The following STAT3 variants were observed in gnomAD, a reference collection of about 807,000 sequenced individuals.
STAT3 encodes the protein DNA-binding protein APRF.
In STAT3, 7 loss-of-function variants were observed where a neutral mutation model predicts 114.3. The observed-to-expected ratio is 0.06, with a 90% CI of 0.03 to 0.11. STAT3 has a LOEUF of 0.11. Among genes scored for constraint, STAT3 ranks in the 10% least tolerant of loss-of-function variants. The probability of loss-of-function intolerance (pLI) is 1.00; values close to 1 mark genes in which losing one functional copy is unlikely to be tolerated. For synonymous variants in STAT3, 331 were observed against 354.5 expected (o/e 0.93, Z 0.74); for missense variants, 364 against 960.9 (o/e 0.38, Z 8.21).
chr17:42,329,370 G>T (rs754579348), intron 14 of STAT3, 40 bp downstream of exon 14: 6 of 1,606,300 alleles, frequency 3.7e-6, no homozygotes, highest in Non-Finnish European at 4.2e-6. Context: ...CTCCCTCAAG[G>T]AAAACACCCC....
chr17:42,370,625 T>A (rs2084064165), intron 1 of STAT3, among the ~76,000 whole-genome samples: 1 of 151,108 alleles, frequency 6.6e-6, no homozygotes, highest in Non-Finnish European at 1.5e-5. Flanking sequence ...CCTGTTTTTC[T>A]TTTTTTGTTT....
At chr17:42,383,984 C>T (rs1365817644) in intron 1 of STAT3, among the ~76,000 whole-genome samples, 1 of 152,152 alleles carries the variant, frequency 6.6e-6, no homozygotes, top group African/African-American at 2.4e-5. Flanking sequence ...TTAATAACTC[C>T]CCTAGGGCAG....
chr17:42,326,869 G>C (rs1219974300), intron 14 of STAT3, among the ~76,000 whole-genome samples: 1 of 152,120 alleles, frequency 6.6e-6, no homozygotes, highest in Non-Finnish European at 1.5e-5. Context: ...TCCTCAGAGA[G>C]AATGGCATTC....
In STAT3 at chr17:42,313,973, C is replaced by G. The variant is rs1220604781; in HGVS notation, c.*1772G>C. 3 of 231,154 alleles carry G rather than the reference C, an allele frequency of 1.3e-5. No individual in the cohort carries two copies. Among genetic ancestry groups the G allele is most frequent in the Non-Finnish European group, 2.6e-5 (3 of 116,698 alleles). The allele number at this position is 231,154 out of a possible 1,614,324, so 14.3% of individuals were successfully genotyped here. A position where few individuals can be genotyped will look rare whatever the true frequency, so the allele number is the denominator to read the frequency against. ...AGAATTCCACAGAAACTCTGATCAGCTGAGGCAAGGTGGTTTTGAGTTGCC... is the reference window on the plus strand; with the variant it reads ...AGAATTCCACAGAAACTCTGATCAGGTGAGGCAAGGTGGTTTTGAGTTGCC... On this transcript the variant is annotated 3_prime_UTR_variant, in exon 24 of 24. Coordinates refer to ENST00000264657, the MANE Select transcript of STAT3 (RefSeq NM_139276.3).
At chr17:42,347,555 C>G (rs951775541) in intron 2 of STAT3, among the ~76,000 whole-genome samples, 1 of 152,200 alleles carries the variant, frequency 6.6e-6, no homozygotes, top group African/African-American at 2.4e-5. Flanking sequence ...TGAATGGAAT[C>G]TACTTCCCTT....
chr17:42,382,784 C>T (rs187793045), intron 1 of STAT3, among the ~76,000 whole-genome samples: 4 of 152,052 alleles, frequency 2.6e-5, no homozygotes, highest in Admixed American at 1.3e-4. Context: ...GTAGCTGGGA[C>T]TACAGGCGTC....
At chr17:42,376,564 C>T (rs1420106529) in intron 1 of STAT3, among the ~76,000 whole-genome samples, 2 of 148,772 alleles carry the variant, frequency 1.3e-5, no homozygotes, top group African/African-American at 2.5e-5. Context: ...AAAAAAAAAC[C>T]GGCCAGGTGC....
In STAT3 at chr17:42,337,678, A is replaced by T. The variant is rs1034064407; in HGVS notation, c.645+85T>A. The T allele has an allele frequency of 3.9e-5, 63 of 1,613,460 alleles. No homozygotes were observed. The highest frequency in any genetic ancestry group is 5.3e-5 in the Non-Finnish European group (63 of 1,179,554). ...CAACTCCAGAGCAGGAACTTCTTAG[A>T]AACCAAGCAAGTTCTGCCACAAGAC... On this transcript the variant is annotated intron_variant, in intron 7 of 23. Transcript: ENST00000264657. The surrounding 1 kb of genome is among the most constrained non-coding windows in gnomAD (Gnocchi z 4.0).
intron 11 of STAT3, among the ~76,000 whole-genome samples, chr17:42,330,737 C>T (rs2081976667): frequency 6.6e-6 from 1 of 152,062 alleles, no homozygotes; most frequent in Non-Finnish European, 1.5e-5. Context: ...CCCACATTTT[C>T]TCTTTTCTAA....
rs7207492 is a variant in STAT3, at chr17:42,315,710, A to G, written c.*35T>C. 4 of 1,603,046 alleles carry G rather than the reference A, an allele frequency of 2.5e-6. No homozygotes were observed. The East Asian group carries it at 6.7e-5, about 27-fold the overall frequency. ...GTGGCAGAATGCAGGTAGGCGCCTC[A>G]GTCGTATCTTTCTGCAGCTTCCGTT... On this transcript the variant is annotated 3_prime_UTR_variant, in exon 24 of 24. Coordinates refer to ENST00000264657, the MANE Select transcript of STAT3 (RefSeq NM_139276.3).
At chr17:42,370,465 C>T (rs1157102344) in intron 1 of STAT3, among the ~76,000 whole-genome samples, 2 of 151,260 alleles carry the variant, frequency 1.3e-5, no homozygotes, top group African/African-American at 2.4e-5. Flanking sequence ...AGGCTGGTCT[C>T]GAATTCCTGA....
chr17:42,379,705 A>G (rs1190006514), intron 1 of STAT3, among the ~76,000 whole-genome samples: 1 of 152,210 alleles, frequency 6.6e-6, no homozygotes, highest in Admixed American at 6.5e-5. Flanking sequence ...CTTGGGTGGT[A>G]ATCCATTTTT....
At chr17:42,317,004 G>A in intron 22 of STAT3, 103 bp from the exon 23 acceptor site, 1 of 1,560,544 alleles carries the variant, frequency 6.4e-7, no homozygotes, top group Non-Finnish European at 8.7e-7. Flanking sequence ...ATCAAACTCT[G>A]GTCTCCAACA....
At chr17:42,323,722 G>T in intron 17 of STAT3, 97 bp from the exon 18 acceptor site, 1 of 1,160,576 alleles carries the variant, frequency 8.6e-7, no homozygotes, top group Non-Finnish European at 1.3e-6. Context: ...CCCACAATGG[G>T]CCACAAAATA....
intron 15 of STAT3, 168 bp from the exon 16 acceptor site, chr17:42,325,229 T>C (rs1008823263): frequency 1.6e-6 from 1 of 637,466 alleles, no homozygotes; most frequent in African/African-American, 1.8e-5. Flanking sequence ...TGAGCACTCA[T>C]AGTGGAAAGA....
intron 20 of STAT3, 79 bp downstream of exon 20, chr17:42,322,925 C>CA: frequency 6.2e-7 from 1 of 1,601,714 alleles, no homozygotes; most frequent in Non-Finnish European, 8.5e-7. Flanking sequence ...CACCAGGGGG[C>CA]AGTAGGTGCT....
At chr17:42,330,147 G>A (rs1182420606) in intron 11 of STAT3, among the ~76,000 whole-genome samples, 5 of 143,682 alleles carry the variant, frequency 3.5e-5, no homozygotes, top group Admixed American at 7.1e-5. Context: ...AGATAGTTTC[G>A]CTCTTGTTGC....
At chr17:42,336,058 G>A (rs932263137) in intron 8 of STAT3, among the ~76,000 whole-genome samples, 19 of 152,056 alleles carry the variant, frequency 1.2e-4, no homozygotes, top group African/African-American at 3.9e-4. Context: ...AAGCTTCTTC[G>A]TTCCCTGGTC....
Position 42,314,150 on chromosome 17 carries a change from G to A in STAT3, c.*1595C>T, listed in dbSNP as rs1257497768. 1 of 232,352 alleles carries A rather than the reference G, an allele frequency of 4.3e-6. No individual in the cohort carries two copies. The highest frequency in any genetic ancestry group is 8.5e-6 in the Non-Finnish European group (1 of 117,330). 14.4% of individuals were successfully genotyped at this position (232,352 alleles called of 1,614,324 possible). Reference sequence around the variant, plus strand: ...TCACCTGTGGGGCCCCAGCAGGGAGGAGTCACCAGCCTCAGAGGGAGGCCA... The same window carrying A: ...TCACCTGTGGGGCCCCAGCAGGGAGAAGTCACCAGCCTCAGAGGGAGGCCA... On this transcript the variant is annotated 3_prime_UTR_variant, in exon 24 of 24. Coordinates refer to ENST00000264657, the MANE Select transcript of STAT3 (RefSeq NM_139276.3).
Sources: allele counts gnomAD v4.1 joint callset (sites outside exome capture counted in the v4.1 genomes callset), GRCh38; gene constraint gnomAD v4.1.1; non-coding constraint Gnocchi (gnomAD v3.1); transcripts MANE v1.5; gene names NCBI Gene and HGNC (gene_info 2026-07-23, HGNC 2026-07-21).